CACNA1A: variants seen among roughly 807,000 people sequenced by gnomAD.
CACNA1A encodes the protein calcium voltage-gated channel subunit alpha1 A.
Under a neutral mutation model 262.4 loss-of-function variants are expected in CACNA1A, and 57 were observed. The ratio of observed to expected loss-of-function variants is 0.22; its 90% CI spans 0.18 to 0.27. CACNA1A has a LOEUF of 0.27. Ranked by LOEUF, CACNA1A falls within the 10% of genes least tolerant of loss-of-function variation. The pLI, the probability that CACNA1A is intolerant of heterozygous loss-of-function variation, is 1.00. For missense variants in CACNA1A, 2,526 were observed against 3,562.8 expected (o/e 0.71, Z 7.41); for synonymous variants, 1,431 against 1,419.3 (o/e 1.01, Z -0.18).
intron 1 of CACNA1A, among the ~76,000 whole-genome samples, chr19:13,492,617 CG>C (rs1482960291): frequency 1.3e-5 from 2 of 152,078 alleles, no homozygotes; most frequent in Non-Finnish European, 2.9e-5. Flanking sequence ...GGTGGAAAAA[CG>C]GCTGGTCTCA....
At chr19:13,386,818 A>G (rs2059623491) in intron 3 of CACNA1A, among the ~76,000 whole-genome samples, 1 of 152,074 alleles carries the variant, frequency 6.6e-6, no homozygotes, top group South Asian at 2.1e-4. Context: ...GAACTGACGC[A>G]GTCGTCTTGG....
At chr19:13,472,757 T>C (rs935893681) in intron 1 of CACNA1A, among the ~76,000 whole-genome samples, 1 of 152,222 alleles carries the variant, frequency 6.6e-6, no homozygotes, top group Non-Finnish European at 1.5e-5. Context: ...TTTTATTTTA[T>C]TTTTCAGAGA....
chr19:13,345,172 A>T (rs1456724566), intron 6 of CACNA1A, among the ~76,000 whole-genome samples: 10 of 152,138 alleles, frequency 6.6e-5, no homozygotes, highest in Non-Finnish European at 1.5e-4. Context: ...CGCATTAGCC[A>T]AGTCTTTTTG....
At chr19:13,389,091 C>T (rs1258332658) in intron 3 of CACNA1A, among the ~76,000 whole-genome samples, 3 of 152,080 alleles carry the variant, frequency 2.0e-5, no homozygotes, top group Non-Finnish European at 4.4e-5. Context: ...TTAATAGAGA[C>T]AGGGTTTCAC....
chr19:13,316,685 A>G (rs1172652792), intron 11 of CACNA1A: 5 of 155,278 alleles, frequency 3.2e-5, no homozygotes, highest in African/African-American at 1.2e-4. Context: ...CATATAAGCC[A>G]CTCCTTATTT....
In CACNA1A at chr19:13,212,703, G is replaced by A. The variant is rs866667085; in HGVS notation, c.5978C>T (p.Pro1993Leu). 4.6e-6 allele frequency: 7 copies of A among 1,508,982 alleles called. No individual in the cohort carries two copies. The South Asian group carries it at 5.4e-5, about 12-fold the overall frequency. The allele number at this position is 1,508,982 out of a possible 1,614,324, so 93.5% of individuals were successfully genotyped here. ...TPLMFQRMEPPSPTQEGGPGQ... is the reference protein window; with the variant it reads ...TPLMFQRMEPLSPTQEGGPGQ... ...AGGTCCCCCTTCCTGCGTTGGGGAC[G>A]GGGGCTCCATGCGCTGGAACATGAG... Residue 1993 changes from proline (P) to leucine (L), a missense_variant, in exon 41 of 47, where the codon CCG becomes CTG. Pro to Leu is a moderately conservative substitution (Grantham distance 98). Transcript: ENST00000360228. The surrounding 1 kb of genome is among the most constrained non-coding windows in gnomAD (Gnocchi z 5.6).
intron 30 of CACNA1A, among the ~76,000 whole-genome samples, chr19:13,246,977 AG>A (rs1288989916): frequency 2.0e-5 from 3 of 152,202 alleles, no homozygotes; most frequent in African/African-American, 7.2e-5. Context: ...GAACAGTCAC[AG>A]CCTCAAGTCC....
intron 31 of CACNA1A, among the ~76,000 whole-genome samples, chr19:13,243,325 TGG>T (rs2056131414): frequency 6.6e-6 from 1 of 152,144 alleles, no homozygotes; most frequent in Non-Finnish European, 1.5e-5. Context: ...GTGTATCACT[TGG>T]GTGCGGGTGC....
At position 13,261,736 on chromosome 19, in the gene CACNA1A, A is replaced by G. The variant is rs374831863; in HGVS notation, c.4090-126T>C. On this transcript the variant is annotated intron_variant, in intron 25 of 46. Transcript: ENST00000360228. ...ATTTTACAGGCAAGGTCATAAGTCAAGTCACTAGGGTAAGGTCCCCCCAGC... is the reference window on the plus strand; with the variant it reads ...ATTTTACAGGCAAGGTCATAAGTCAGGTCACTAGGGTAAGGTCCCCCCAGC... 56 of 913,908 alleles carry G rather than the reference A, an allele frequency of 6.1e-5. No homozygotes were observed. In the South Asian group the frequency reaches 8.4e-4, roughly 14 times the overall value. The allele number at this position is 913,908 out of a possible 1,614,324, so 56.6% of individuals were successfully genotyped here.
intron 1 of CACNA1A, among the ~76,000 whole-genome samples, chr19:13,502,222 T>C (rs1982466209): frequency 6.6e-6 from 1 of 151,008 alleles, no homozygotes; most frequent in Non-Finnish European, 1.5e-5. Flanking sequence ...GATGTCAAAG[T>C]GATGTCACCT....
chr19:13,457,579 A>G (rs959319475), intron 1 of CACNA1A, among the ~76,000 whole-genome samples: 6 of 151,986 alleles, frequency 3.9e-5, no homozygotes, highest in Admixed American at 3.9e-4. Flanking sequence ...GGCCGGGTGC[A>G]GTGGCTCACG....
At chr19:13,303,177 G>A (rs988573524) in intron 17 of CACNA1A, among the ~76,000 whole-genome samples, 8 of 152,112 alleles carry the variant, frequency 5.3e-5, no homozygotes, top group Non-Finnish European at 8.8e-5. Flanking sequence ...CTTGGCCCCA[G>A]CTCTGACTGG....
In CACNA1A at chr19:13,469,459, TC is replaced by T. The variant is rs201565519; in HGVS notation, c.294-14248del. On this transcript the variant is annotated intron_variant, in intron 1 of 46. Transcript: ENST00000360228. ...TCCAGCATCCTTGTCTTGAACCACCTCTTTTTTTTTTTTTTTTTTTTTTTTT... is the reference window on the plus strand; with the variant it reads ...TCCAGCATCCTTGTCTTGAACCACCTTTTTTTTTTTTTTTTTTTTTTTTTT... 1.2e-3 allele frequency among the ~76,000 whole-genome samples: 104 copies of T among 87,490 alleles called. 3 individuals are homozygous for T. The highest frequency in any genetic ancestry group is 5.2e-3 in the East Asian group (11 of 2,118). The allele number at this position is 87,490 out of a possible 152,430, so 57.4% of individuals were successfully genotyped here. A position where few individuals can be genotyped will look rare whatever the true frequency, so the allele number is the denominator to read the frequency against.
At chr19:13,465,983 TGCC>T (rs2061228205) in intron 1 of CACNA1A, among the ~76,000 whole-genome samples, 1 of 152,138 alleles carries the variant, frequency 6.6e-6, no homozygotes. Context: ...GATGGGTGGT[TGCC>T]AGAGGCTGGA....
chr19:13,430,243 G>A (rs1432533787), intron 3 of CACNA1A, among the ~76,000 whole-genome samples: 9 of 151,694 alleles, frequency 5.9e-5, no homozygotes, highest in Non-Finnish European at 1.2e-4. Flanking sequence ...TTTCGCTCTT[G>A]TGGCCCAGGC....
At chr19:13,356,757 T>G (rs937755702) in intron 6 of CACNA1A, among the ~76,000 whole-genome samples, 1 of 152,076 alleles carries the variant, frequency 6.6e-6, no homozygotes, top group African/African-American at 2.4e-5. Context: ...CTCAGGAGGG[T>G]TCATTTCCTG....
intron 3 of CACNA1A, among the ~76,000 whole-genome samples, chr19:13,408,188 C>G (rs2060047358): frequency 6.6e-6 from 1 of 152,044 alleles, no homozygotes; most frequent in African/African-American, 2.4e-5. Context: ...GGCAACATGG[C>G]AAAACCCCGT....
intron 3 of CACNA1A, among the ~76,000 whole-genome samples, chr19:13,380,384 G>T (rs1568590027): frequency 6.6e-6 from 1 of 150,780 alleles, no homozygotes. Context: ...GGTGGCTCAT[G>T]CCTGTAATCC....
At chr19:13,374,422 A>G (rs537231464) in intron 3 of CACNA1A, among the ~76,000 whole-genome samples, 2 of 151,646 alleles carry the variant, frequency 1.3e-5, no homozygotes, top group African/African-American at 4.8e-5. Flanking sequence ...AAATTAAAAA[A>G]TTTTTTTTGT....
Sources: allele counts gnomAD v4.1 joint callset (sites outside exome capture counted in the v4.1 genomes callset), GRCh38; gene constraint gnomAD v4.1.1; non-coding constraint Gnocchi (gnomAD v3.1); transcripts MANE v1.5; gene names NCBI Gene and HGNC (gene_info 2026-07-23, HGNC 2026-07-21).